KLRG1: variants seen among roughly 807,000 people sequenced by gnomAD.
The protein encoded by KLRG1 is killer cell lectin like receptor G1.
Under a neutral mutation model 21.8 loss-of-function variants are expected in KLRG1, and 16 were observed. The ratio of observed to expected loss-of-function variants is 0.73; its 90% CI spans 0.50 to 1.11. KLRG1 has a LOEUF of 1.11. Among genes scored for constraint, KLRG1 ranks in the 50% most tolerant of loss-of-function variants. The probability of loss-of-function intolerance (pLI) is 0.00; values close to 1 mark genes in which losing one functional copy is unlikely to be tolerated. For synonymous variants in KLRG1, 69 were observed against 75.9 expected, an observed-to-expected ratio of 0.91 and a Z score of 0.47; for missense variants, 173 against 218.3, an observed-to-expected ratio of 0.79 and a Z score of 1.31.
chr12:8,967,385 G>T (rs1184823151), intron 1 of KLRG1, among the ~76,000 whole-genome samples: 2 of 151,992 alleles, frequency 1.3e-5, no homozygotes, highest in African/African-American at 2.4e-5. Flanking sequence ...ATGTGTATAA[G>T]TGTAAAAGAC....
At chr12:9,168,273 A>G in the KLRG1 span, among the ~76,000 whole-genome samples, 7 of 152,348 alleles carry the variant, frequency 4.6e-5, 1 homozygote, top group Non-Finnish European at 7.3e-5. Context: ...ATCCGAGCAT[A>G]TAAATATTTG....
the KLRG1 span, among the ~76,000 whole-genome samples, chr12:9,149,922 C>T: frequency 6.2e-4 from 95 of 152,142 alleles, 1 homozygote; most frequent in Admixed American, 4.7e-3. Context: ...CAGCTTGCTC[C>T]CTTAATTACT....
At chr12:9,151,889 C>T in the KLRG1 span, among the ~76,000 whole-genome samples, 14 of 151,974 alleles carry the variant, frequency 9.2e-5, no homozygotes, top group African/African-American at 2.9e-4. Context: ...ATTTTTTTTC[C>T]TTCCCAAATT....
At chr12:9,180,422 A>C in the KLRG1 span, among the ~76,000 whole-genome samples, 1 of 152,230 alleles carries the variant, frequency 6.6e-6, no homozygotes, top group Non-Finnish European at 1.5e-5. Flanking sequence ...ACAGTAACCA[A>C]AAGAGCATGG....
the KLRG1 span, chr12:9,109,955 T>A: frequency 1.2e-6 from 2 of 1,614,056 alleles, no homozygotes; most frequent in Non-Finnish European, 1.7e-6. Flanking sequence ...AGGGCTCTGA[T>A]GAGAGGGGAA....
At chr12:9,056,597 G>A in the KLRG1 span, among the ~76,000 whole-genome samples, 114 of 151,790 alleles carry the variant, frequency 7.5e-4, no homozygotes, top group Middle Eastern at 6.8e-3. Context: ...GTATTTTAGG[G>A]ATGGGGTCTC....
At chr12:9,174,214 T>C in the KLRG1 span, among the ~76,000 whole-genome samples, 4 of 152,068 alleles carry the variant, frequency 2.6e-5, no homozygotes, top group Non-Finnish European at 4.4e-5. Context: ...TAAACAGAAC[T>C]AAAGACAAAA....
chr12:8,964,131 G>A (rs1209067398), intron 1 of KLRG1, among the ~76,000 whole-genome samples: 6 of 152,136 alleles, frequency 3.9e-5, no homozygotes, highest in Non-Finnish European at 7.3e-5. Context: ...TGATGTTAGG[G>A]TGTCAATTTT....
intron 2 of KLRG1, among the ~76,000 whole-genome samples, chr12:8,992,808 G>A (rs1340277215): frequency 1.3e-5 from 2 of 152,032 alleles, no homozygotes; most frequent in Non-Finnish European, 2.9e-5. Context: ...AAAGTGCTGG[G>A]ATTATAGGTG....
At chr12:9,099,546 G>A in the KLRG1 span, 1 of 1,597,472 alleles carries the variant, frequency 6.3e-7, no homozygotes, top group Admixed American at 1.7e-5. Flanking sequence ...GAGAATGAGA[G>A]GAAGCCATCA....
At chr12:9,110,367 T>C in the KLRG1 span, 1 of 1,285,986 alleles carries the variant, frequency 7.8e-7, no homozygotes, top group Non-Finnish European at 1.1e-6. Context: ...AGTTTATAAT[T>C]ATTTTCAAAT....
chr12:9,189,055 G>A, the KLRG1 span, among the ~76,000 whole-genome samples: 1 of 152,244 alleles, frequency 6.6e-6, no homozygotes, highest in East Asian at 1.9e-4. Flanking sequence ...TCAATATCAT[G>A]AAAATGGTCA....
At chr12:8,977,710 T>C (rs1244936658) in intron 1 of KLRG1, among the ~76,000 whole-genome samples, 1 of 152,212 alleles carries the variant, frequency 6.6e-6, no homozygotes, top group Non-Finnish European at 1.5e-5. Context: ...GTGAATTGCT[T>C]TGATTCTTTT....
the KLRG1 span, chr12:9,135,554 C>G: frequency 2.9e-6 from 1 of 343,180 alleles, no homozygotes; most frequent in South Asian, 2.9e-5. Context: ...TTGGGCAGAA[C>G]CAGCCCTTCC....
chr12:9,110,923 G>A, the KLRG1 span, among the ~76,000 whole-genome samples: 1 of 152,030 alleles, frequency 6.6e-6, no homozygotes, highest in Admixed American at 6.5e-5. Flanking sequence ...CATGTCTTAA[G>A]TGCTTATAGC....
chr12:9,029,866 C>T, the KLRG1 span, among the ~76,000 whole-genome samples: 1 of 152,168 alleles, frequency 6.6e-6, no homozygotes, highest in Non-Finnish European at 1.5e-5. Flanking sequence ...GAGCGATTCT[C>T]ATGCCTCGGC....
chr12:9,164,377 T>C, the KLRG1 span: 1 of 1,098,598 alleles, frequency 9.1e-7, no homozygotes, highest in Non-Finnish European at 1.3e-6. Context: ...GAAAAATGTA[T>C]GTCACATAGA....
chr12:9,020,403 C>T, the KLRG1 span, among the ~76,000 whole-genome samples: 2 of 152,100 alleles, frequency 1.3e-5, no homozygotes, highest in Non-Finnish European at 2.9e-5. Context: ...TCTCCCTTTC[C>T]TCCCTGTCCC....
chr12:9,095,387 G>C, the KLRG1 span, among the ~76,000 whole-genome samples: 1 of 152,028 alleles, frequency 6.6e-6, no homozygotes, highest in Non-Finnish European at 1.5e-5. Context: ...GCAGCTTTTC[G>C]CAGATCTGCT....
Sources: gnomAD v4.1 joint callset for allele counts (sites outside exome capture counted in the v4.1 genomes callset) on GRCh38, gnomAD v4.1.1 for gene constraint, MANE v1.5 for transcripts, NCBI Gene and HGNC (gene_info 2026-07-23, HGNC 2026-07-21) for gene names.